The following LARP4B variants were observed in gnomAD, a reference collection of about 807,000 sequenced individuals.
LARP4B encodes la-related protein 4B.
In LARP4B, 12 loss-of-function variants were observed where a neutral mutation model predicts 89.8. The ratio of observed to expected loss-of-function variants is 0.13; its 90% confidence interval spans 0.09 to 0.22. The LOEUF (loss-of-function observed/expected upper bound fraction) is 0.22, where lower values mean the gene tolerates loss of function less well. Ranked by LOEUF, LARP4B falls within the 10% of genes least tolerant of loss-of-function variation. LARP4B has a pLI of 1.00. For synonymous variants in LARP4B, 367 were observed against 363.3 expected (o/e 1.01, Z -0.12); for missense variants, 757 against 947.7 (o/e 0.80, Z 2.64).
intron 1 of LARP4B, among the ~76,000 whole-genome samples, chr10:895,633 A>G (rs1480266922): frequency 6.6e-6 from 1 of 151,428 alleles, no homozygotes; most frequent in Non-Finnish European, 1.5e-5. Flanking sequence ...AAAGCGCACC[A>G]CTATACTCCA....
chr10:881,146 G>A (rs1482265809), intron 3 of LARP4B, among the ~76,000 whole-genome samples: 2 of 152,166 alleles, frequency 1.3e-5, no homozygotes, highest in African/African-American at 2.4e-5. Flanking sequence ...TTAACCAAAC[G>A]ACACTGTTGC....
intron 3 of LARP4B, among the ~76,000 whole-genome samples, chr10:877,146 C>A (rs758716744): frequency 9.9e-5 from 15 of 152,174 alleles, no homozygotes; most frequent in African/African-American, 3.4e-4. Flanking sequence ...ATGTGATGGG[C>A]CTGTGATGGG....
chr10:985,974 T>C, the LARP4B span: 1 of 152,222 alleles, frequency 6.6e-6, no homozygotes, highest in African/African-American at 2.4e-5. Context: ...ATGTGACTCG[T>C]TCTGAATGAG....
rs1373532905 is a variant in LARP4B at position 822,635 on chromosome 10, A to G, written c.1485-1790T>C. 6.6e-6 allele frequency among the ~76,000 whole-genome samples: 1 copy of G among 152,228 alleles called. No homozygotes were observed. The highest frequency in any genetic ancestry group is 1.5e-5 in the Non-Finnish European group (1 of 68,028). ...GTTGGCTGAGCCAAGGCTCAGTGAC[A>G]GGGCCATGGTGGGTTACAGCTCACA... On this transcript the variant is annotated intron_variant, in intron 13 of 17. Coordinates refer to ENST00000316157, the MANE Select transcript of LARP4B (RefSeq NM_015155.3). This position sits in a 1 kb window ranked among gnomAD's most constrained non-coding sequence, Gnocchi z 4.6.
intron 1 of LARP4B, among the ~76,000 whole-genome samples, chr10:887,289 TCTTA>T (rs1835886137): frequency 6.6e-6 from 1 of 152,060 alleles, no homozygotes; most frequent in African/African-American, 2.4e-5. Flanking sequence ...TTTTAGGTGC[TCTTA>T]CTAACACAAA....
At chr10:897,987 CAAAAAAAAA>C (rs58452748) in intron 1 of LARP4B, among the ~76,000 whole-genome samples, 3 of 25,626 alleles carry the variant, frequency 1.2e-4, no homozygotes, top group South Asian at 1.5e-3. Flanking sequence ...GGCTCCATCT[CAAAAAAAAA>C]AAAAAAAAAA....
At chr10:877,245 G>A (rs920835084) in intron 3 of LARP4B, among the ~76,000 whole-genome samples, 2 of 152,154 alleles carry the variant, frequency 1.3e-5, no homozygotes, top group Non-Finnish European at 2.9e-5. Context: ...GCTGGGTGTG[G>A]GGGCGCGTGT....
chr10:930,398 C>T (rs1367275624), intron 1 of LARP4B, among the ~76,000 whole-genome samples: 4 of 152,182 alleles, frequency 2.6e-5, no homozygotes, highest in Non-Finnish European at 4.4e-5. Flanking sequence ...TTCCAATTTA[C>T]TATTAAGACA....
intron 5 of LARP4B, among the ~76,000 whole-genome samples, chr10:849,282 G>A (rs919119864): frequency 6.6e-6 from 1 of 152,176 alleles, no homozygotes; most frequent in African/African-American, 2.4e-5. Context: ...AGCGCTCCTT[G>A]GAGAAATGGC....
chr10:933,876 C>T (rs968510120), upstream of LARP4B, among the ~76,000 whole-genome samples: 4 of 151,864 alleles, frequency 2.6e-5, no homozygotes, highest in Non-Finnish European at 5.9e-5. Context: ...TCTGTCACCC[C>T]GGCTGGAGTG....
the LARP4B span, among the ~76,000 whole-genome samples, chr10:949,983 C>G: frequency 6.6e-6 from 1 of 152,138 alleles, no homozygotes; most frequent in Non-Finnish European, 1.5e-5. Context: ...GCCATGTTGC[C>G]CACGCTGGTC....
intron 1 of LARP4B, among the ~76,000 whole-genome samples, chr10:896,342 A>G (rs1314251512): frequency 6.6e-6 from 1 of 152,234 alleles, no homozygotes; most frequent in Admixed American, 6.5e-5. Context: ...AGAATATTCA[A>G]TATTCATTTA....
At chr10:958,703 C>T in the LARP4B span, among the ~76,000 whole-genome samples, 11 of 152,322 alleles carry the variant, frequency 7.2e-5, no homozygotes, top group South Asian at 4.1e-4. Flanking sequence ...TCCGTTTAGC[C>T]GCTTTCTCTG....
At chr10:911,642 A>C (rs1836667759) in intron 1 of LARP4B, among the ~76,000 whole-genome samples, 1 of 152,192 alleles carries the variant, frequency 6.6e-6, no homozygotes, top group East Asian at 1.9e-4. Context: ...AATGACTCTG[A>C]GACCCGCTTC....
intron 1 of LARP4B, among the ~76,000 whole-genome samples, chr10:891,585 T>C (rs922895614): frequency 5.9e-5 from 9 of 152,188 alleles, no homozygotes; most frequent in Non-Finnish European, 7.3e-5. Context: ...TCGTTATTCT[T>C]CCACCTGAGA....
upstream of LARP4B, among the ~76,000 whole-genome samples, chr10:932,673 C>T (rs1158154218): frequency 6.9e-6 from 1 of 144,028 alleles, no homozygotes; most frequent in East Asian, 2.1e-4. Context: ...GGACCAAGGC[C>T]CCGGCACTGC....
At chr10:861,706 T>C (rs1220623052) in intron 5 of LARP4B, among the ~76,000 whole-genome samples, 1 of 152,196 alleles carries the variant, frequency 6.6e-6, no homozygotes, top group Non-Finnish European at 1.5e-5. Flanking sequence ...GTTATTTCAC[T>C]GTTGATAACA....
At chr10:817,101 C>T (rs777212218) in intron 15 of LARP4B, among the ~76,000 whole-genome samples, 1 of 152,258 alleles carries the variant, frequency 6.6e-6, no homozygotes, top group Non-Finnish European at 1.5e-5. Flanking sequence ...AAAACTTCCT[C>T]TGTACTTCCC....
At chr10:912,966 A>C (rs1009922424) in intron 1 of LARP4B, among the ~76,000 whole-genome samples, 2 of 152,242 alleles carry the variant, frequency 1.3e-5, no homozygotes, top group African/African-American at 4.8e-5. Flanking sequence ...TCCTGCACTC[A>C]AGCCACTATA....
Sources: allele counts gnomAD v4.1 joint callset (sites outside exome capture counted in the v4.1 genomes callset), GRCh38; gene constraint gnomAD v4.1.1; non-coding constraint Gnocchi (gnomAD v3.1); transcripts MANE v1.5; gene names NCBI Gene and HGNC (gene_info 2026-07-23, HGNC 2026-07-21).